Variants in ARFGEF3 observed in about 807,000 individuals in gnomAD.
ARFGEF3 encodes ARFGEF family member 3.
ARFGEF3 carries 96 observed loss-of-function variants against 221.7 expected under a neutral mutation model. That is an observed-to-expected ratio of 0.43 (90% CI 0.37 to 0.51). The LOEUF is 0.51. Ranked by LOEUF, ARFGEF3 falls within the 20% of genes least tolerant of loss-of-function variation. The pLI is 0.00. For synonymous variants in ARFGEF3, 1,145 were observed against 1,126.8 expected (o/e 1.02, Z -0.32); for missense variants, 2,410 against 2,789.9 (o/e 0.86, Z 3.07).
At chr6:138,223,959 C>T (rs1050312465) in intron 4 of ARFGEF3, among the ~76,000 whole-genome samples, 1 of 152,180 alleles carries the variant, frequency 6.6e-6, no homozygotes, top group Non-Finnish European at 1.5e-5. Context: ...TGCTGTGTGT[C>T]CAACAACTAC....
chr6:138,218,526 A>G, intron 4 of ARFGEF3: 1 of 1,394,408 alleles, frequency 7.2e-7, no homozygotes. Flanking sequence ...ATCTAAGGAA[A>G]ACACCCACTC....
chr6:138,165,682 A>G (rs954492478), intron 1 of ARFGEF3, among the ~76,000 whole-genome samples: 1 of 151,664 alleles, frequency 6.6e-6, no homozygotes, highest in African/African-American at 2.4e-5. Flanking sequence ...CCTTACTTAG[A>G]CCCTCAGGAG....
intron 2 of ARFGEF3, among the ~76,000 whole-genome samples, chr6:138,180,791 G>T (rs1777063778): frequency 6.6e-6 from 1 of 152,200 alleles, no homozygotes; most frequent in Non-Finnish European, 1.5e-5. Context: ...AACTTTTCTA[G>T]CTTCCTGAGA....
intron 27 of ARFGEF3, 27 bp from the exon 28 acceptor site, chr6:138,319,676 G>A (rs1355137505): frequency 6.4e-7 from 1 of 1,552,190 alleles, no homozygotes; most frequent in African/African-American, 1.4e-5. Flanking sequence ...ATTACAGGTT[G>A]TTGCTACGCT....
Position 138,287,131 on chromosome 6 carries a change from A to C in ARFGEF3, c.2843A>C (p.Gln948Pro). ...CAGATGGCAGCTGCCTCCTGTGTCCAAGAAGAAAAAGAAGAGAGGGAGGCC... is the reference window on the plus strand; with the variant it reads ...CAGATGGCAGCTGCCTCCTGTGTCCCAGAAGAAAAAGAAGAGAGGGAGGCC... ...LAQMAAASCV[Q>P]EEKEEREAQE... Residue 948 changes from glutamine to proline, a missense_variant, in exon 17 of 34, where the codon CAA becomes CCA. Gln to Pro is a moderately conservative substitution (Grantham distance 76). Transcript: ENST00000251691. 5 of 1,574,592 alleles carry C rather than the reference A, an allele frequency of 3.2e-6. No individual in the cohort carries two copies. The highest frequency in any genetic ancestry group is 4.3e-6 in the Non-Finnish European group (5 of 1,159,554).
chr6:138,336,260 G>A, intron 33 of ARFGEF3, 35 bp from the exon 34 acceptor site: 5 of 1,452,500 alleles, frequency 3.4e-6, no homozygotes, highest in Non-Finnish European at 3.7e-6. Context: ...AACCAGGGGG[G>A]AAAGCCACTG....
intron 22 of ARFGEF3, among the ~76,000 whole-genome samples, chr6:138,304,421 T>C (rs1370019200): frequency 6.6e-6 from 1 of 152,160 alleles, no homozygotes; most frequent in East Asian, 1.9e-4. Context: ...TAAATTAGAT[T>C]GTGGTGATGT....
chr6:138,323,598 C>T, intron 29 of ARFGEF3, 73 bp from the exon 30 acceptor site: 2 of 1,436,312 alleles, frequency 1.4e-6, no homozygotes, highest in Non-Finnish European at 1.9e-6. Context: ...GCAACAAGAG[C>T]AAAACTCCAT....
chr6:138,323,588 G>A (rs1780073189), intron 29 of ARFGEF3, 83 bp from the exon 30 acceptor site: 1 of 1,288,748 alleles, frequency 7.8e-7, no homozygotes, highest in Non-Finnish European at 1.1e-6. Flanking sequence ...TCCAGGCTGG[G>A]CAACAAGAGC....
chr6:138,293,729 T>A (rs1200786143), intron 19 of ARFGEF3, among the ~76,000 whole-genome samples: 1 of 152,246 alleles, frequency 6.6e-6, no homozygotes, highest in Non-Finnish European at 1.5e-5. Context: ...TTGCCAAGCA[T>A]TTTATGAGTG....
At chr6:138,174,612 TA>T (rs1323760320) in intron 2 of ARFGEF3, among the ~76,000 whole-genome samples, 17 of 151,722 alleles carry the variant, frequency 1.1e-4, no homozygotes, top group Non-Finnish European at 1.8e-4. Flanking sequence ...ACCAAGTTTA[TA>T]AACTATCTCT....
At chr6:138,168,501 G>A (rs1776763297) in intron 1 of ARFGEF3, among the ~76,000 whole-genome samples, 1 of 152,180 alleles carries the variant, frequency 6.6e-6, no homozygotes, top group Non-Finnish European at 1.5e-5. Context: ...TTGGGGTGGA[G>A]GAAATGCTCT....
At position 138,278,625 on chromosome 6, in the gene ARFGEF3, T is replaced by G; in HGVS notation, c.2295+8T>G. 6.2e-7 allele frequency: 1 copy of G among 1,613,410 alleles called. No homozygotes were observed. On this transcript the variant is annotated splice_region_variant and intron_variant, in intron 13 of 33. Coordinates refer to ENST00000251691, the MANE Select transcript of ARFGEF3 (RefSeq NM_020340.5). ...CTGGCGCCAGGCGTGATGGTGAGTG[T>G]GCCGTCCCTCATTGGACTGGCAGAG...
intron 28 of ARFGEF3, 71 bp from the exon 29 acceptor site, chr6:138,321,040 A>G (rs3736707): frequency 0.16 from 129,981 of 812,190 alleles, 11,985 homozygotes; most frequent in South Asian, 0.3. Context: ...CTCTGTTGCT[A>G]TAGATGGCCA....
chr6:138,337,436 G>C lies in ARFGEF3; in HGVS notation c.*950G>C, dbSNP rs1780348592. On this transcript the variant is annotated 3_prime_UTR_variant, in exon 34 of 34. Transcript: ENST00000251691. ...GGTTTTTAAGAAAACAAAACATTAA[G>C]ACGCAACTCATTTTATATCAACACG... The C allele has an allele frequency of 6.6e-6, 1 of 152,626 alleles. No homozygotes were observed. The highest frequency in any genetic ancestry group is 6.5e-5 in the Admixed American group (1 of 15,270). The allele number at this position is 152,626 out of a possible 1,614,324, so 9.5% of individuals were successfully genotyped here.
At chr6:138,335,266 C>CAT in intron 33 of ARFGEF3, 78 bp downstream of exon 33, 1 of 1,371,742 alleles carries the variant, frequency 7.3e-7, no homozygotes, top group African/African-American at 1.5e-5. Context: ...GCAGAGCAGG[C>CAT]ATACACAGGC....
At chr6:138,298,229 C>G (rs369434240) in intron 21 of ARFGEF3, among the ~76,000 whole-genome samples, 13 of 152,268 alleles carry the variant, frequency 8.5e-5, no homozygotes, top group Middle Eastern at 3.4e-3. Context: ...ACAAATGACT[C>G]ATCTGATCTT....
At chr6:138,235,102 T>C (rs1778261703) in intron 5 of ARFGEF3, among the ~76,000 whole-genome samples, 1 of 152,222 alleles carries the variant, frequency 6.6e-6, no homozygotes, top group Admixed American at 6.5e-5. Flanking sequence ...AACCTAGTAT[T>C]GTTATCTATC....
intron 1 of ARFGEF3, among the ~76,000 whole-genome samples, chr6:138,168,458 G>C (rs968506206): frequency 6.6e-6 from 1 of 152,210 alleles, no homozygotes; most frequent in African/African-American, 2.4e-5. Flanking sequence ...GAAAGTCCTT[G>C]TTGGGCTCTC....
Sources: gnomAD v4.1 joint callset for allele counts (sites outside exome capture counted in the v4.1 genomes callset) on GRCh38, gnomAD v4.1.1 for gene constraint, MANE v1.5 for transcripts, NCBI Gene and HGNC (gene_info 2026-07-23, HGNC 2026-07-21) for gene names.